Variants in ANAPC4 observed in about 807,000 individuals in gnomAD.
ANAPC4 encodes the protein anaphase-promoting complex subunit 4.
Under a neutral mutation model 119.8 loss-of-function variants are expected in ANAPC4, and 63 were observed. That is an observed-to-expected ratio of 0.53 (90% CI 0.43 to 0.65). The LOEUF (loss-of-function observed/expected upper bound fraction) is 0.65, where lower values mean the gene tolerates loss of function less well. ANAPC4 is among the 30% of genes least tolerant of loss of function. The pLI is 0.00. For missense variants in ANAPC4, 716 were observed against 945.1 expected (o/e 0.76, Z 3.18); for synonymous variants, 283 against 318.6 (o/e 0.89, Z 1.19).
At chr4:25,411,271 T>C (rs12019262) in intron 21 of ANAPC4, among the ~76,000 whole-genome samples, 3,948 of 152,118 alleles carry the variant, frequency 0.026, 89 homozygotes, top group South Asian at 0.11. Context: ...GCGTCAAGAG[T>C]AGTGGCACCT....
At chr4:25,400,921 G>T (rs1722929985) in intron 16 of ANAPC4, among the ~76,000 whole-genome samples, 1 of 152,140 alleles carries the variant, frequency 6.6e-6, no homozygotes, top group African/African-American at 2.4e-5. Context: ...AAGGGTTGCA[G>T]TTGGTGATGA....
intron 4 of ANAPC4, among the ~76,000 whole-genome samples, chr4:25,384,846 C>T (rs7684466): frequency 0.43 from 65,595 of 151,524 alleles, 15,766 homozygotes; most frequent in Non-Finnish European, 0.53. Context: ...TTGACCCATA[C>T]GATGCAGAAT....
rs771350520 is a variant in ANAPC4 at position 25,390,209 on chromosome 4, C to T, written c.589C>T (p.Arg197Ter). The T allele has an allele frequency of 2.5e-6, 4 of 1,610,796 alleles. No homozygotes were observed. The highest frequency in any genetic ancestry group is 2.5e-6 in the Non-Finnish European group (3 of 1,177,878). ...LYAYGMFKIA[R>*]VTGIAGTCLA... ...TGCTTATGGAATGTTTAAAATTGCT[C>T]GAGTCACAGGGGTAAGATTTCTTTA... The change falls in exon 8 of 29, where the codon CGA becomes TGA. Residue 197 changes from arginine (R) to a stop codon, truncating the protein, a stop_gained. Coordinates refer to ENST00000315368, the MANE Select transcript of ANAPC4 (RefSeq NM_013367.3). LOFTEE classifies it high-confidence loss of function.
At chr4:25,388,215 C>T (rs1722148449) in intron 4 of ANAPC4, among the ~76,000 whole-genome samples, 1 of 152,190 alleles carries the variant, frequency 6.6e-6, no homozygotes, top group African/African-American at 2.4e-5. Flanking sequence ...TATCTGAGTA[C>T]ATATGAATGC....
rs185751120 is a variant in ANAPC4, at chr4:25,387,115, T to A, written c.369-1385T>A. ...AGCATTCTGTCTAATGCTGGACAGG[T>A]TTTTTCTTTGTCCATGGTCCTGATA... is the stretch of plus-strand genomic sequence containing the variant. On this transcript the variant is annotated intron_variant, in intron 4 of 28. Transcript: ENST00000315368. 6.0e-5 allele frequency among the ~76,000 whole-genome samples: 9 copies of A among 149,220 alleles called. No individual in the cohort carries two copies. In the East Asian group the frequency reaches 1.7e-3, roughly 29 times the overall value.
intron 21 of ANAPC4, 163 bp from the exon 22 acceptor site, chr4:25,413,481 TG>T: frequency 1.9e-6 from 1 of 534,854 alleles, no homozygotes; most frequent in Non-Finnish European, 3.3e-6. Context: ...CAGAAGACCA[TG>T]GTCGTTTTTA....
chr4:25,392,779 C>T (rs6848308), intron 10 of ANAPC4, among the ~76,000 whole-genome samples: 6 of 151,972 alleles, frequency 3.9e-5, no homozygotes, highest in African/African-American at 1.2e-4. Context: ...GATTTAGGCT[C>T]AGCTTAGCCA....
chr4:25,406,316 G>A (rs1304834957), intron 18 of ANAPC4, among the ~76,000 whole-genome samples: 1 of 152,186 alleles, frequency 6.6e-6, no homozygotes, highest in African/African-American at 2.4e-5. Flanking sequence ...TGACATCACT[G>A]TTAGCTTTAT....
chr4:25,393,662 GATAA>G (rs1342775830), intron 10 of ANAPC4, 139 bp from the exon 11 acceptor site: 17 of 507,906 alleles, frequency 3.3e-5, no homozygotes, highest in Non-Finnish European at 4.8e-5. Flanking sequence ...ACTCTGTCTC[GATAA>G]ATAAATAATA....
intron 3 of ANAPC4, among the ~76,000 whole-genome samples, chr4:25,382,759 T>C (rs933897346): frequency 6.6e-6 from 1 of 152,204 alleles, no homozygotes; most frequent in Non-Finnish European, 1.5e-5. Flanking sequence ...TAATGACTTG[T>C]GTGGAGAAAC....
intron 3 of ANAPC4, among the ~76,000 whole-genome samples, chr4:25,382,016 C>A (rs192925830): frequency 6.6e-6 from 1 of 152,280 alleles, no homozygotes; most frequent in Non-Finnish European, 1.5e-5. Flanking sequence ...AACATCTTTT[C>A]CAATATTTCC....
At chr4:25,402,138 T>A (rs1382528322) in intron 16 of ANAPC4, among the ~76,000 whole-genome samples, 5 of 152,154 alleles carry the variant, frequency 3.3e-5, no homozygotes, top group Non-Finnish European at 7.4e-5. Flanking sequence ...CAAGAGGGTT[T>A]TGATTATATT....
chr4:25,380,443 G>C lies in ANAPC4; in HGVS notation c.199G>C (p.Glu67Gln). 1.9e-6 allele frequency: 3 copies of C among 1,613,156 alleles called. No homozygotes were observed. Among genetic ancestry groups the C allele is most frequent in the Non-Finnish European group, 8.5e-7 (1 of 1,179,522 alleles). Residue 67 changes from glutamate (E) to glutamine (Q), a missense_variant, in exon 3 of 29, where the codon GAG becomes CAG. Glu to Gln is a conservative substitution (Grantham distance 29). Transcript: ENST00000315368. The part of the protein sequence containing the change: ...SFPPNENTGK[E>Q]VTCLAWRPDG... ...TCCACCAAATGAAAATACAGGAAAGGAGGTGACGTGTCTGGCATGGAGACC... is the reference window on the plus strand; with the variant it reads ...TCCACCAAATGAAAATACAGGAAAGCAGGTGACGTGTCTGGCATGGAGACC...
At position 25,418,244 on chromosome 4, in the gene ANAPC4, G is replaced by A. The variant is rs772204215; in HGVS notation, c.2289G>A (p.Glu763=). The change falls in exon 29 of 29, where the codon GAG becomes GAA. Residue 763 remains glutamate (E), a synonymous_variant. Coordinates refer to ENST00000315368, the MANE Select transcript of ANAPC4 (RefSeq NM_013367.3). The part of the protein sequence containing the change: ...ELDESSDEEE[E]ASNKPVKIKE... ...ATGAGTCTTCAGATGAAGAGGAGGA[G>A]GCCAGTAATAAGCCTGTAAAAATAA... 1.2e-6 allele frequency: 2 copies of A among 1,614,084 alleles called. No homozygotes were observed. Among genetic ancestry groups the A allele is most frequent in the Non-Finnish European group, 1.7e-6 (2 of 1,179,976 alleles).
rs749877827 is a variant in ANAPC4, at chr4:25,414,314, T to C, written c.1624-10T>C. 2 of 1,513,712 alleles carry C rather than the reference T, an allele frequency of 1.3e-6. No homozygotes were observed. Among genetic ancestry groups the C allele is most frequent in the Admixed American group, 1.8e-5 (1 of 56,900 alleles). 93.8% of individuals were successfully genotyped at this position (1,513,712 alleles called of 1,614,324 possible). On this transcript the variant is annotated splice_polypyrimidine_tract_variant and intron_variant, in intron 22 of 28. Transcript: ENST00000315368. ...GCTCTAATTATATTTTAAAATCTTA[T>C]TTTATATAGGATGTAATTGGAAAAT...
intron 16 of ANAPC4, among the ~76,000 whole-genome samples, chr4:25,397,897 T>G (rs1722747239): frequency 6.6e-6 from 1 of 152,052 alleles, no homozygotes; most frequent in South Asian, 2.1e-4. Flanking sequence ...ATTATTCTTT[T>G]AATAATTTAC....
intron 16 of ANAPC4, among the ~76,000 whole-genome samples, chr4:25,400,237 T>G (rs866616276): frequency 6.6e-6 from 1 of 152,020 alleles, no homozygotes; most frequent in South Asian, 2.1e-4. Flanking sequence ...GATGGAATGA[T>G]CTAGAAGGTA....
In ANAPC4 at chr4:25,405,501, G is replaced by A. The variant is rs1392877616; in HGVS notation, c.1271-72G>A. ...TAGTTCAGTCAAACACCTTGTCTTT[G>A]AAATGTATTTATAATTAAAATTATG... On this transcript the variant is annotated intron_variant, in intron 17 of 28. Transcript: ENST00000315368. This position sits in a 1 kb window ranked among gnomAD's most constrained non-coding sequence, Gnocchi z 4.6. 2.9e-6 allele frequency: 4 copies of A among 1,369,092 alleles called. No individual in the cohort carries two copies. The Admixed American group carries it at 5.2e-5, about 18-fold the overall frequency. The allele number at this position is 1,369,092 out of a possible 1,614,324, so 84.8% of individuals were successfully genotyped here. A position where few individuals can be genotyped will look rare whatever the true frequency, so the allele number is the denominator to read the frequency against.
chr4:25,390,292 A>G lies in ANAPC4; in HGVS notation c.600+72A>G, dbSNP rs555692788. 1.0e-4 allele frequency: 115 copies of G among 1,113,742 alleles called. No individual in the cohort carries two copies. In the African/African-American group the frequency reaches 1.7e-3, roughly 17 times the overall value. The allele number at this position is 1,113,742 out of a possible 1,614,324, so 69.0% of individuals were successfully genotyped here. A position where few individuals can be genotyped will look rare whatever the true frequency, so the allele number is the denominator to read the frequency against. ...ATATACTAGGTACTTATGGAAAAAG[A>G]ATAAAACACTAGGTTTTTTTTCAGT... On this transcript the variant is annotated intron_variant, in intron 8 of 28. Coordinates refer to ENST00000315368, the MANE Select transcript of ANAPC4 (RefSeq NM_013367.3).
Sources: gnomAD v4.1 joint callset for allele counts (sites outside exome capture counted in the v4.1 genomes callset) on GRCh38, gnomAD v4.1.1 for gene constraint, Gnocchi (gnomAD v3.1) non-coding constraint, MANE v1.5 for transcripts, NCBI Gene and HGNC (gene_info 2026-07-23, HGNC 2026-07-21) for gene names.